PCSK6: variants seen among roughly 807,000 people sequenced by gnomAD.
PCSK6 encodes the protein proprotein convertase subtilisin/kexin type 6.
In PCSK6, 85 loss-of-function variants were observed where a neutral mutation model predicts 123.3. That is an observed-to-expected ratio of 0.69 (90% CI 0.58 to 0.83). The LOEUF is 0.83. Ranked by LOEUF, PCSK6 falls within the 40% of genes least tolerant of loss-of-function variation. The pLI is 0.00. For missense variants in PCSK6, 1,191 were observed against 1,282.3 expected, an observed-to-expected ratio of 0.93 and a Z score of 1.09; for synonymous variants, 508 against 516.0, an observed-to-expected ratio of 0.98 and a Z score of 0.21.
intron 2 of PCSK6, among the ~76,000 whole-genome samples, chr15:101,442,316 C>T (rs1461252749): frequency 6.6e-6 from 1 of 152,182 alleles, no homozygotes; most frequent in Non-Finnish European, 1.5e-5. Flanking sequence ...CCGTATCTAT[C>T]TATCCATCCA....
intron 2 of PCSK6, among the ~76,000 whole-genome samples, chr15:101,437,387 G>A (rs561097920): frequency 1.4e-4 from 22 of 152,300 alleles, no homozygotes; most frequent in Admixed American, 3.3e-4. Flanking sequence ...AACACACAGC[G>A]GGAACCCAGT....
chr15:101,400,781 A>G (rs946155946), intron 6 of PCSK6, among the ~76,000 whole-genome samples: 5 of 152,244 alleles, frequency 3.3e-5, no homozygotes, highest in African/African-American at 1.2e-4. Context: ...TAAACATATA[A>G]CCAAATGTAC....
At chr15:101,347,778 C>T (rs531468263) in intron 13 of PCSK6, 1 of 1,613,092 alleles carries the variant, frequency 6.2e-7, no homozygotes, top group South Asian at 1.1e-5. Flanking sequence ...TCCAGGTTCC[C>T]TGGAAAACAA....
At chr15:101,349,433 T>G (rs969322936) in intron 13 of PCSK6, among the ~76,000 whole-genome samples, 1 of 152,208 alleles carries the variant, frequency 6.6e-6, no homozygotes, top group East Asian at 1.9e-4. Flanking sequence ...CTGGATTCAG[T>G]GAATTCCAAA....
chr15:101,323,601 C>T (rs906589388), intron 17 of PCSK6, among the ~76,000 whole-genome samples: 10 of 152,142 alleles, frequency 6.6e-5, no homozygotes, highest in Middle Eastern at 3.4e-3. Flanking sequence ...GGCGTGATGG[C>T]GCATGCCTGT....
chr15:101,478,491 C>G (rs1418668943), intron 1 of PCSK6, among the ~76,000 whole-genome samples: 4 of 152,214 alleles, frequency 2.6e-5, no homozygotes, highest in Admixed American at 6.5e-5. Context: ...GCCTCCTGTC[C>G]TCAGTCCTCC....
intron 9 of PCSK6, among the ~76,000 whole-genome samples, chr15:101,386,701 G>A (rs1252615930): frequency 1.3e-5 from 2 of 152,148 alleles, no homozygotes; most frequent in African/African-American, 4.8e-5. Context: ...AATGTTCCAC[G>A]TGTGTACAGA....
intron 13 of PCSK6, among the ~76,000 whole-genome samples, chr15:101,343,049 C>T (rs188133007): frequency 6.6e-6 from 1 of 152,306 alleles, no homozygotes; most frequent in Admixed American, 6.5e-5. Flanking sequence ...TTGCTCTGGC[C>T]TTGAGTTTTC....
chr15:101,456,549 A>G (rs888656878), intron 1 of PCSK6, among the ~76,000 whole-genome samples: 1 of 152,208 alleles, frequency 6.6e-6, no homozygotes, highest in Admixed American at 6.5e-5. Context: ...CAGGGCCTGG[A>G]TCCAGGGGAG....
At position 101,398,668 on chromosome 15, in the gene PCSK6, G is replaced by A. The variant is rs1344899599; in HGVS notation, c.824-92C>T. 43 of 1,340,606 alleles carry A rather than the reference G, an allele frequency of 3.2e-5. 1 individual carries two copies. The Admixed American group carries it at 3.5e-4, about 11-fold the overall frequency. 83.0% of individuals were successfully genotyped at this position (1,340,606 alleles called of 1,614,324 possible). The stretch of plus-strand genomic sequence containing the variant: ...CCCAGGAGGCTCGGATGAGGACACC[G>A]CATCACAGAGTCCCTCCCCAGCAGG... On this transcript the variant is annotated intron_variant, in intron 6 of 21. Transcript: ENST00000611716. The surrounding 1 kb of genome is among the most constrained non-coding windows in gnomAD (Gnocchi z 4.6).
intron 6 of PCSK6, among the ~76,000 whole-genome samples, chr15:101,415,190 G>A (rs1385410082): frequency 1.3e-5 from 2 of 152,186 alleles, no homozygotes; most frequent in Non-Finnish European, 2.9e-5. Flanking sequence ...AAACAGATCA[G>A]GTAGACAAAA....
chr15:101,403,368 A>T (rs931511638), intron 6 of PCSK6, among the ~76,000 whole-genome samples: 16 of 151,680 alleles, frequency 1.1e-4, no homozygotes, highest in South Asian at 4.2e-4. Context: ...ACATGTACAC[A>T]TATGTAACTA....
At chr15:101,428,778 G>C (rs769111056) in intron 5 of PCSK6, among the ~76,000 whole-genome samples, 5 of 152,224 alleles carry the variant, frequency 3.3e-5, no homozygotes, top group Non-Finnish European at 7.3e-5. Flanking sequence ...CTCTGGAAGA[G>C]AGTCATCTGT....
chr15:101,414,142 AC>A (rs1273562337), intron 6 of PCSK6, among the ~76,000 whole-genome samples: 1 of 152,192 alleles, frequency 6.6e-6, no homozygotes, highest in Non-Finnish European at 1.5e-5. Context: ...ATGGGGTAAT[AC>A]CTTTTAAATT....
At chr15:101,445,381 A>G (rs989247589) in intron 1 of PCSK6, among the ~76,000 whole-genome samples, 5 of 152,192 alleles carry the variant, frequency 3.3e-5, no homozygotes, top group Non-Finnish European at 7.3e-5. Flanking sequence ...TTTGAACGCG[A>G]TATTTACGTG....
intron 2 of PCSK6, among the ~76,000 whole-genome samples, chr15:101,437,310 G>A (rs2056628847): frequency 3.3e-5 from 5 of 152,230 alleles, no homozygotes; most frequent in South Asian, 4.1e-4. Context: ...GAGATGCCCA[G>A]GCCCACCTCC....
intron 13 of PCSK6, among the ~76,000 whole-genome samples, chr15:101,351,236 G>T (rs1359416321): frequency 6.6e-6 from 1 of 152,212 alleles, no homozygotes; most frequent in African/African-American, 2.4e-5. Flanking sequence ...GTTTACTGTT[G>T]ATTTTCTGGG....
chr15:101,348,980 G>A (rs900051379), intron 13 of PCSK6, among the ~76,000 whole-genome samples: 6 of 152,216 alleles, frequency 3.9e-5, no homozygotes, highest in Non-Finnish European at 7.3e-5. Flanking sequence ...TCTGTGCCCC[G>A]ATAGCTTATT....
chr15:101,442,540 C>A (rs910494976), intron 2 of PCSK6, among the ~76,000 whole-genome samples: 4 of 152,070 alleles, frequency 2.6e-5, no homozygotes, highest in Non-Finnish European at 4.4e-5. Context: ...CCTGCTCAGT[C>A]AATACAAAAA....
Sources: gnomAD v4.1 joint callset for allele counts (sites outside exome capture counted in the v4.1 genomes callset) on GRCh38, gnomAD v4.1.1 for gene constraint, Gnocchi (gnomAD v3.1) non-coding constraint, MANE v1.5 for transcripts, NCBI Gene and HGNC (gene_info 2026-07-23, HGNC 2026-07-21) for gene names.